The following CLVS1 variants were observed in gnomAD, a reference collection of about 807,000 sequenced individuals.
CLVS1 encodes the protein clavesin-1.
A neutral mutation model predicts 33.1 loss-of-function variants in CLVS1; 10 were observed. That is an observed-to-expected ratio of 0.30 (90% CI 0.19 to 0.51). CLVS1 has a LOEUF of 0.51. Ranked by LOEUF, CLVS1 falls within the 20% of genes least tolerant of loss-of-function variation. CLVS1 has a pLI of 0.97. For missense variants in CLVS1, 343 were observed against 433.4 expected (o/e 0.79, Z 1.85); for synonymous variants, 163 against 166.1 (o/e 0.98, Z 0.14).
At chr8:61,099,026 C>A (rs1379912869) in intron 1 of CLVS1, among the ~76,000 whole-genome samples, 1 of 152,152 alleles carries the variant, frequency 6.6e-6, no homozygotes, top group Non-Finnish European at 1.5e-5. Flanking sequence ...GACCCTTAAA[C>A]TTCTCTTACA....
At chr8:61,089,090 C>T (rs10086822) in intron 1 of CLVS1, among the ~76,000 whole-genome samples, 29,873 of 152,114 alleles carry the variant, frequency 0.2, 3,341 homozygotes, top group African/African-American at 0.3. Flanking sequence ...TGTGAGCCAC[C>T]GGGCCCGGCC....
chr8:60,989,057 A>G, the CLVS1 span, among the ~76,000 whole-genome samples: 1 of 151,914 alleles, frequency 6.6e-6, no homozygotes, highest in Non-Finnish European at 1.5e-5. Flanking sequence ...TTTAGTAGAG[A>G]TGGGGGTCTC....
At chr8:61,292,902 CCT>C (rs1810048277) in intron 1 of CLVS1, among the ~76,000 whole-genome samples, 1 of 152,168 alleles carries the variant, frequency 6.6e-6, no homozygotes, top group Non-Finnish European at 1.5e-5. Context: ...GTTCTAGAAT[CCT>C]CTGTCACATA....
chr8:61,058,709 C>T (rs1303836171), intron 1 of CLVS1, among the ~76,000 whole-genome samples: 2 of 152,188 alleles, frequency 1.3e-5, no homozygotes, highest in Admixed American at 1.3e-4. Context: ...GCTTCTGTCT[C>T]TCCTTGCCTT....
intron 2 of CLVS1, among the ~76,000 whole-genome samples, chr8:61,200,938 A>G (rs1807717553): frequency 6.6e-6 from 1 of 152,138 alleles, no homozygotes; most frequent in Non-Finnish European, 1.5e-5. Flanking sequence ...CATGTACCAT[A>G]TGATTTTGGG....
chr8:61,029,429 G>T, the CLVS1 span, among the ~76,000 whole-genome samples: 2 of 152,056 alleles, frequency 1.3e-5, no homozygotes, highest in African/African-American at 4.8e-5. Context: ...CAGGTGAGTG[G>T]GAGAGAGGCT....
chr8:61,243,248 G>A (rs755456062), intron 2 of CLVS1, among the ~76,000 whole-genome samples: 2 of 152,124 alleles, frequency 1.3e-5, no homozygotes, highest in Non-Finnish European at 1.5e-5. Context: ...TTAACATGAT[G>A]TTATAAGATA....
chr8:61,417,729 T>C (rs1462964490), intron 3 of CLVS1, among the ~76,000 whole-genome samples: 1 of 152,174 alleles, frequency 6.6e-6, no homozygotes, highest in Non-Finnish European at 1.5e-5. Flanking sequence ...TACCTACAAA[T>C]AAGAGTCACC....
intron 2 of CLVS1, among the ~76,000 whole-genome samples, chr8:61,179,472 C>T (rs1807188391): frequency 6.6e-6 from 1 of 152,206 alleles, no homozygotes; most frequent in Non-Finnish European, 1.5e-5. Flanking sequence ...GACTTGAACT[C>T]AGCTCTGGAT....
chr8:61,250,853 A>G (rs551518729), intron 2 of CLVS1, among the ~76,000 whole-genome samples: 2 of 152,326 alleles, frequency 1.3e-5, no homozygotes, highest in South Asian at 2.1e-4. Flanking sequence ...CAATCATGTC[A>G]TCTGCAAACA....
the CLVS1 span, among the ~76,000 whole-genome samples, chr8:60,983,916 C>G: frequency 1.3e-5 from 2 of 152,198 alleles, no homozygotes; most frequent in Non-Finnish European, 2.9e-5. Context: ...CCCACAGCCC[C>G]CACCAACACC....
At chr8:61,034,841 A>G in the CLVS1 span, among the ~76,000 whole-genome samples, 2 of 152,170 alleles carry the variant, frequency 1.3e-5, no homozygotes, top group Non-Finnish European at 2.9e-5. Flanking sequence ...GATTACAGGG[A>G]TCCAGAAAAT....
chr8:61,132,070 A>G (rs972013126), intron 2 of CLVS1, among the ~76,000 whole-genome samples: 3 of 152,240 alleles, frequency 2.0e-5, no homozygotes, highest in African/African-American at 7.2e-5. Flanking sequence ...GCCACGGTAC[A>G]TGGACACTCA....
At chr8:61,364,808 GGT>G (rs1813127876) in intron 2 of CLVS1, among the ~76,000 whole-genome samples, 1 of 152,164 alleles carries the variant, frequency 6.6e-6, no homozygotes, top group South Asian at 2.1e-4. Flanking sequence ...TAAATACGGA[GGT>G]TTGGAGTTTT....
At chr8:61,198,376 T>C (rs1194459422) in intron 2 of CLVS1, among the ~76,000 whole-genome samples, 1 of 152,162 alleles carries the variant, frequency 6.6e-6, no homozygotes, top group Non-Finnish European at 1.5e-5. Flanking sequence ...TTGTACCCAA[T>C]AGATACTTTT....
At chr8:61,216,388 C>T (rs1808087201) in intron 2 of CLVS1, among the ~76,000 whole-genome samples, 1 of 152,194 alleles carries the variant, frequency 6.6e-6, no homozygotes, top group Non-Finnish European at 1.5e-5. Flanking sequence ...TGTTGAGCTC[C>T]ATCCACCCTC....
intron 2 of CLVS1, among the ~76,000 whole-genome samples, chr8:61,330,382 A>G (rs920379859): frequency 9.2e-5 from 14 of 152,294 alleles, no homozygotes; most frequent in African/African-American, 3.1e-4. Context: ...GGTAAAAGAA[A>G]AGAGGAGAAA....
chr8:61,261,735 A>G (rs1353419878), intron 2 of CLVS1, among the ~76,000 whole-genome samples: 1 of 152,234 alleles, frequency 6.6e-6, no homozygotes, highest in African/African-American at 2.4e-5. Flanking sequence ...AGGGGCCCTC[A>G]TAAGAACCTG....
In CLVS1 at chr8:61,499,908, A is replaced by AGT. The variant is rs1804509341; in HGVS notation, c.*367_*368dup. 1 of 173,808 alleles carries AGT rather than the reference A, an allele frequency of 5.8e-6. No individual in the cohort carries two copies. The highest frequency in any genetic ancestry group is 1.3e-5 in the Non-Finnish European group (1 of 79,856). The allele number at this position is 173,808 out of a possible 1,614,324, so 10.8% of individuals were successfully genotyped here. ...GAGGTATCACACAGGGACCCTCTCCAGTTTTTGAAAATTAAGTGCATTTCC... is the reference window on the plus strand; with the variant it reads ...GAGGTATCACACAGGGACCCTCTCCAGTGTTTTTGAAAATTAAGTGCATTTCC... On this transcript the variant is annotated 3_prime_UTR_variant, in exon 6 of 6. Transcript: ENST00000325897.
Sources: gnomAD v4.1 joint callset for allele counts (sites outside exome capture counted in the v4.1 genomes callset) on GRCh38, gnomAD v4.1.1 for gene constraint, MANE v1.5 for transcripts, NCBI Gene and HGNC (gene_info 2026-07-23, HGNC 2026-07-21) for gene names.